Variants in ASB15 observed in about 807,000 individuals in gnomAD.
ASB15 encodes ankyrin repeat and SOCS box containing 15, also known as ankyrin repeat and SOCS box protein 15.
ASB15 carries 54 observed loss-of-function variants against 58.0 expected under a neutral mutation model. The observed-to-expected ratio is 0.93, with a 90% confidence interval of 0.75 to 1.17. The LOEUF is 1.17. Among genes scored for constraint, ASB15 ranks in the 50% most tolerant of loss-of-function variants. The pLI, the probability that ASB15 is intolerant of heterozygous loss-of-function variation, is 0.00. For missense variants in ASB15, 680 were observed against 707.4 expected (o/e 0.96, Z 0.44); for synonymous variants, 249 against 262.4 (o/e 0.95, Z 0.50).
intron 1 of ASB15, among the ~76,000 whole-genome samples, chr7:123,568,351 A>AC (rs914180592): frequency 7.1e-5 from 10 of 140,156 alleles, no homozygotes; most frequent in Non-Finnish European, 1.5e-4. Context: ...CATCTCTACT[A>AC]AAAAAAAAAA....
chr7:123,596,724 A>G (rs1394806688), intron 1 of ASB15, among the ~76,000 whole-genome samples: 2 of 152,204 alleles, frequency 1.3e-5, no homozygotes, highest in African/African-American at 4.8e-5. Context: ...TATAGTATGT[A>G]CTGTTAAAAT....
chr7:123,570,226 C>T (rs111301002), intron 1 of ASB15, among the ~76,000 whole-genome samples: 17 of 151,770 alleles, frequency 1.1e-4, no homozygotes, highest in African/African-American at 3.9e-4. Flanking sequence ...TTAGTAGAGA[C>T]GGGGTTTCAC....
intron 1 of ASB15, among the ~76,000 whole-genome samples, chr7:123,568,417 G>A (rs767138021): frequency 2.0e-5 from 3 of 151,984 alleles, no homozygotes; most frequent in Non-Finnish European, 4.4e-5. Context: ...CTACTTGGGA[G>A]GCTGAGACAG....
chr7:123,582,738 C>T (rs1799271113), intron 1 of ASB15, among the ~76,000 whole-genome samples: 1 of 151,970 alleles, frequency 6.6e-6, no homozygotes, highest in South Asian at 2.1e-4. Context: ...CTCCTGGAAG[C>T]TAAGCATCAC....
intron 1 of ASB15, among the ~76,000 whole-genome samples, chr7:123,578,903 G>GTATTT (rs1048159364): frequency 6.6e-5 from 10 of 151,992 alleles, no homozygotes; most frequent in East Asian, 3.9e-4. Flanking sequence ...TACATGCAAG[G>GTATTT]TATTTTATTT....
intron 1 of ASB15, among the ~76,000 whole-genome samples, chr7:123,574,100 C>T (rs1291179047): frequency 6.6e-6 from 1 of 152,058 alleles, no homozygotes; most frequent in Non-Finnish European, 1.5e-5. Context: ...TGTTAAATAT[C>T]CCCTTTGGAG....
At chr7:123,615,733 T>C (rs1800758739) in intron 4 of ASB15, among the ~76,000 whole-genome samples, 1 of 152,182 alleles carries the variant, frequency 6.6e-6, no homozygotes. Flanking sequence ...AGCTCCCAAG[T>C]AAGTATCTTA....
intron 1 of ASB15, among the ~76,000 whole-genome samples, chr7:123,594,210 G>T (rs1449036309): frequency 6.6e-6 from 1 of 151,912 alleles, no homozygotes; most frequent in African/African-American, 2.4e-5. Context: ...TAGCTTCCTT[G>T]CAATGGGTTA....
intron 1 of ASB15, among the ~76,000 whole-genome samples, chr7:123,568,066 T>C (rs897491723): frequency 6.6e-6 from 1 of 152,120 alleles, no homozygotes; most frequent in South Asian, 2.1e-4. Flanking sequence ...TGGGCTGAAA[T>C]TCAAATAAAA....
intron 2 of ASB15, among the ~76,000 whole-genome samples, chr7:123,604,530 C>T (rs546183892): frequency 2.0e-5 from 3 of 151,130 alleles, no homozygotes; most frequent in South Asian, 2.1e-4. Context: ...TGCAGTGAGC[C>T]GAGATCATGC....
At position 123,629,297 on chromosome 7, in the gene ASB15, T is replaced by C. The variant is rs374788183; in HGVS notation, c.1303T>C (p.Leu435=). Residue 435 remains leucine, a synonymous_variant, in exon 10 of 12, where the codon TTG becomes CTG. Transcript: ENST00000451215. ...AAACGACGAGGTAATGCTGAGGCTA[T>C]TGCTGAATAATGGCTATCAAGTGGA... ...ALNDEVMLRL[L]LNNGYQVEMC... 1 of 1,614,166 alleles carries C rather than the reference T, an allele frequency of 6.2e-7. No individual in the cohort carries two copies. Among genetic ancestry groups the C allele is most frequent in the East Asian group, 2.2e-5 (1 of 44,876 alleles).
intron 11 of ASB15, 107 bp from the exon 12 acceptor site, chr7:123,636,702 A>G: frequency 1.1e-6 from 1 of 927,604 alleles, no homozygotes; most frequent in African/African-American, 1.7e-5. Context: ...AAGTGTGCAT[A>G]CATGTTTTTG....
intron 3 of ASB15, among the ~76,000 whole-genome samples, chr7:123,613,233 G>A (rs1160047797): frequency 1.3e-5 from 2 of 152,132 alleles, no homozygotes; most frequent in African/African-American, 4.8e-5. Flanking sequence ...CCTTGAGGAA[G>A]AATGAGAAGA....
chr7:123,589,561 A>G (rs555037004), intron 1 of ASB15, among the ~76,000 whole-genome samples: 89 of 152,106 alleles, frequency 5.9e-4, no homozygotes, highest in Non-Finnish European at 1.1e-3. Context: ...ATGAGTGAGA[A>G]TATGCTGTGT....
At chr7:123,625,252 G>C (rs1253493214) in intron 8 of ASB15, among the ~76,000 whole-genome samples, 1 of 152,082 alleles carries the variant, frequency 6.6e-6, no homozygotes, top group South Asian at 2.1e-4. Context: ...CGTTTCTCTT[G>C]TCCTCTCATT....
Position 123,616,163 on chromosome 7 carries a change from G to C in ASB15, c.108-58G>C, listed in dbSNP as rs538498320. On this transcript the variant is annotated intron_variant, in intron 4 of 11. Coordinates refer to ENST00000451215, the MANE Select transcript of ASB15 (RefSeq NM_001290258.2). ...AATGCAATATAAATTAAAATGTTTG[G>C]TTCCTTGAACTATATCACTAGTATC... 14 of 1,344,166 alleles carry C rather than the reference G, an allele frequency of 1.0e-5. No individual in the cohort carries two copies. In the Admixed American group the frequency reaches 2.7e-4, roughly 26 times the overall value. 83.3% of individuals were successfully genotyped at this position (1,344,166 alleles called of 1,614,324 possible).
rs769028685 is a variant in ASB15, at chr7:123,627,174, C to T, written c.762C>T (p.Gly254=). Residue 254 remains glycine (G), a synonymous_variant, in exon 9 of 12, where the codon GGC becomes GGT. Transcript: ENST00000451215. ...TGCTGTTTGAGGCAGCAGGAGGTGG[C>T]AATCCCGACTGCATTTCCCTCCTGC... ...ASVLFEAAGG[G]NPDCISLLLE... 2 of 1,613,934 alleles carry T rather than the reference C, an allele frequency of 1.2e-6. No homozygotes were observed. The highest frequency in any genetic ancestry group is 1.7e-6 in the Non-Finnish European group (2 of 1,179,864).
intron 9 of ASB15, among the ~76,000 whole-genome samples, 156 bp downstream of exon 9, chr7:123,627,437 A>G (rs566287193): frequency 6.6e-6 from 1 of 152,348 alleles, no homozygotes; most frequent in Non-Finnish European, 1.5e-5. Context: ...TTTAGAACTT[A>G]TTTAATTTTC....
intron 7 of ASB15, chr7:123,620,122 G>A (rs1337154440): frequency 6.6e-6 from 1 of 152,090 alleles, no homozygotes; most frequent in Non-Finnish European, 1.5e-5. Context: ...GACTAAAGAG[G>A]AAGCCCTAGG....
Sources: allele counts gnomAD v4.1 joint callset (sites outside exome capture counted in the v4.1 genomes callset), GRCh38; gene constraint gnomAD v4.1.1; transcripts MANE v1.5; gene names NCBI Gene and HGNC (gene_info 2026-07-23, HGNC 2026-07-21).